The following SNAPC3 variants were observed in gnomAD, a reference collection of about 807,000 sequenced individuals.
SNAPC3 encodes the protein snRNA-activating protein complex subunit 3.
Under a neutral mutation model 47.7 loss-of-function variants are expected in SNAPC3, and 56 were observed. The ratio of observed to expected loss-of-function variants is 1.18; its 90% CI spans 0.95 to 1.47. The LOEUF (loss-of-function observed/expected upper bound fraction) is 1.47. SNAPC3 is among the 40% of genes most tolerant of loss of function. The probability of loss-of-function intolerance (pLI) is 0.00; values close to 1 mark genes in which losing one functional copy is unlikely to be tolerated. For synonymous variants in SNAPC3, 235 were observed against 189.9 expected (o/e 1.24, Z -1.95); for missense variants, 665 against 511.3 (o/e 1.30, Z -2.90).
intron 3 of SNAPC3, among the ~76,000 whole-genome samples, chr9:15,442,496 G>T (rs539502615): frequency 2.0e-5 from 3 of 151,060 alleles, no homozygotes; most frequent in Admixed American, 6.6e-5. Context: ...TTCTCAGACC[G>T]GGCGGCTGGG....
At chr9:15,443,311 T>C (rs1217001794) in intron 3 of SNAPC3, among the ~76,000 whole-genome samples, 1 of 152,254 alleles carries the variant, frequency 6.6e-6, no homozygotes, top group African/African-American at 2.4e-5. Flanking sequence ...GTAATTCCAA[T>C]GTCTGGGCTT....
At chr9:15,424,443 G>T (rs1290129113) in intron 2 of SNAPC3, among the ~76,000 whole-genome samples, 6 of 152,114 alleles carry the variant, frequency 3.9e-5, no homozygotes, top group Non-Finnish European at 8.8e-5. Context: ...TGTGGTAAAG[G>T]ACAGTTCTTG....
At chr9:15,437,622 GT>G (rs577506548) in intron 3 of SNAPC3, among the ~76,000 whole-genome samples, 164 of 115,716 alleles carry the variant, frequency 1.4e-3, no homozygotes, top group Middle Eastern at 4.7e-3. Flanking sequence ...ATGATCTGTT[GT>G]TTTTTTTTTT....
At chr9:15,447,033 C>T (rs950211670) in intron 4 of SNAPC3, 62 bp from the exon 5 acceptor site, 41 of 1,406,924 alleles carry the variant, frequency 2.9e-5, no homozygotes, top group Non-Finnish European at 3.7e-5. Context: ...CTAGTCATGA[C>T]AGGATTTGTA....
chr9:15,423,203 G>T lies in SNAPC3; in HGVS notation c.314+10G>T. On this transcript the variant is annotated intron_variant, in intron 1 of 8. Transcript: ENST00000380821. ...TGAGGGCGGTGTGCGGGTGAGTGCG[G>T]AGCAAAGGGGCTCTTGCAGCTTGGG... is the stretch of plus-strand genomic sequence containing the variant. 1 of 1,571,694 alleles carries T rather than the reference G, an allele frequency of 6.4e-7. No individual in the cohort carries two copies. Among genetic ancestry groups the T allele is most frequent in the South Asian group, 1.2e-5 (1 of 86,806 alleles).
chr9:15,454,033 G>A (rs1016185380), intron 7 of SNAPC3, among the ~76,000 whole-genome samples: 1 of 152,036 alleles, frequency 6.6e-6, no homozygotes, highest in African/African-American at 2.4e-5. Flanking sequence ...CCAGGAGTTC[G>A]AGACCAGCCT....
intron 2 of SNAPC3, among the ~76,000 whole-genome samples, chr9:15,426,869 C>G (rs1032302303): frequency 1.3e-5 from 2 of 152,076 alleles, no homozygotes; most frequent in African/African-American, 4.8e-5. Flanking sequence ...TTTTGATATA[C>G]TGTGAAGCTA....
chr9:15,445,028 G>C (rs780189042), intron 4 of SNAPC3, among the ~76,000 whole-genome samples: 21 of 152,170 alleles, frequency 1.4e-4, no homozygotes, highest in Admixed American at 2.6e-4. Flanking sequence ...AGGAATTCAA[G>C]GTTGTAAGCG....
rs186202629 is a variant in SNAPC3 at position 15,454,297 on chromosome 9, C to G, written c.980+1092C>G. ...GAAAGTCCCTGCTTCCATTTTTGGT[C>G]TTACTGACTCTTCTCCAAAATTTTG... On this transcript the variant is annotated intron_variant, in intron 7 of 8. Coordinates refer to ENST00000380821, the MANE Select transcript of SNAPC3 (RefSeq NM_001039697.2). 3.5e-3 allele frequency among the ~76,000 whole-genome samples: 535 copies of G among 151,758 alleles called. 3 individuals are homozygous for G. The highest frequency in any genetic ancestry group is 5.6e-3 in the Non-Finnish European group (382 of 67,930).
At chr9:15,456,284 A>G (rs987630867) in intron 7 of SNAPC3, among the ~76,000 whole-genome samples, 3 of 151,494 alleles carry the variant, frequency 2.0e-5, no homozygotes, top group Admixed American at 1.3e-4. Flanking sequence ...TGCTGGGATT[A>G]CAGGCAAGAG....
intron 2 of SNAPC3, among the ~76,000 whole-genome samples, chr9:15,429,558 C>CAGAT (rs1298101509): frequency 6.6e-6 from 1 of 151,860 alleles, no homozygotes; most frequent in Non-Finnish European, 1.5e-5. Flanking sequence ...CCTGACACAC[C>CAGAT]AGATAGTAAA....
intron 1 of SNAPC3, among the ~76,000 whole-genome samples, chr9:15,423,526 G>C (rs1440904917): frequency 6.6e-6 from 1 of 152,202 alleles, no homozygotes; most frequent in Admixed American, 6.5e-5. Flanking sequence ...CAGACACTTT[G>C]ACAATGGAGG....
intron 3 of SNAPC3, among the ~76,000 whole-genome samples, chr9:15,442,845 G>C (rs982749460): frequency 6.6e-6 from 1 of 152,210 alleles, no homozygotes; most frequent in Non-Finnish European, 1.5e-5. Flanking sequence ...GTTGTAGCAA[G>C]CCGAGATCAC....
At chr9:15,433,524 T>G in intron 2 of SNAPC3, 28 bp from the exon 3 acceptor site, 1 of 1,390,580 alleles carries the variant, frequency 7.2e-7, no homozygotes. Context: ...GAACTTTGAT[T>G]TTTTTTTTTC....
In SNAPC3 at chr9:15,424,856, C is replaced by G. The variant is rs1467548455; in HGVS notation, c.392+870C>G. ...TATTCAGGCAGTCATTTCAACTCTA[C>G]TTGGGTTTTCTTTCATAATAACTGC... is the stretch of plus-strand genomic sequence containing the variant. On this transcript the variant is annotated intron_variant, in intron 2 of 8. Transcript: ENST00000380821. Among the ~76,000 whole-genome samples the G allele has an allele frequency of 3.3e-5, 5 of 152,304 alleles. No individual in the cohort carries two copies. In the East Asian group the frequency reaches 9.6e-4, roughly 29 times the overall value.
At chr9:15,455,818 C>T (rs2034742134) in intron 7 of SNAPC3, among the ~76,000 whole-genome samples, 1 of 152,074 alleles carries the variant, frequency 6.6e-6, no homozygotes, top group African/African-American at 2.4e-5. Flanking sequence ...CATGCCTTAG[C>T]CTCCCAAGTA....
intron 2 of SNAPC3, among the ~76,000 whole-genome samples, chr9:15,424,912 CTT>C (rs1320395851): frequency 6.6e-6 from 1 of 152,218 alleles, no homozygotes; most frequent in Non-Finnish European, 1.5e-5. Context: ...CTACTGCTGA[CTT>C]TTACAGCAGC....
chr9:15,451,450 C>T (rs1185435853), intron 6 of SNAPC3, 48 bp downstream of exon 6: 2 of 867,474 alleles, frequency 2.3e-6, no homozygotes, highest in African/African-American at 1.7e-5. Context: ...TTCTAGTTAT[C>T]AAAGTAGTGT....
chr9:15,424,414 CAG>C (rs1021707860), intron 2 of SNAPC3, among the ~76,000 whole-genome samples: 2 of 152,092 alleles, frequency 1.3e-5, no homozygotes, highest in Non-Finnish European at 1.5e-5. Flanking sequence ...AATACTCTGA[CAG>C]TGTTTTTCAA....
Sources: gnomAD v4.1 joint callset for allele counts (sites outside exome capture counted in the v4.1 genomes callset) on GRCh38, gnomAD v4.1.1 for gene constraint, MANE v1.5 for transcripts, NCBI Gene and HGNC (gene_info 2026-07-23, HGNC 2026-07-21) for gene names.